The following RAP1GAP2 variants were observed in gnomAD, a reference collection of about 807,000 sequenced individuals.
RAP1GAP2 encodes RAP1 GTPase activating protein 2.
RAP1GAP2 carries 27 observed loss-of-function variants against 95.0 expected under a neutral mutation model. The ratio of observed to expected loss-of-function variants is 0.28; its 90% CI spans 0.21 to 0.39. RAP1GAP2 has a LOEUF of 0.39. Ranked by LOEUF, RAP1GAP2 falls within the 10% of genes least tolerant of loss-of-function variation. The pLI is 1.00. For synonymous variants in RAP1GAP2, 373 were observed against 380.9 expected (o/e 0.98, Z 0.24); for missense variants, 771 against 970.0 (o/e 0.79, Z 2.72).
At chr17:2,917,911 T>G (rs1300180643) in intron 3 of RAP1GAP2, among the ~76,000 whole-genome samples, 1 of 151,884 alleles carries the variant, frequency 6.6e-6, no homozygotes, top group African/African-American at 2.4e-5. Context: ...AGATGGCGAT[T>G]AACCATGTTG....
chr17:2,858,896 GA>G (rs202071363), intron 2 of RAP1GAP2, among the ~76,000 whole-genome samples: 2 of 150,512 alleles, frequency 1.3e-5, no homozygotes, highest in Non-Finnish European at 1.5e-5. Flanking sequence ...TGGGCAACAG[GA>G]AAAAAAAAGT....
At chr17:2,961,415 C>T (rs1293740386) in intron 4 of RAP1GAP2, among the ~76,000 whole-genome samples, 4 of 145,512 alleles carry the variant, frequency 2.7e-5, no homozygotes, top group Admixed American at 1.4e-4. Context: ...CTCGGGAGGC[C>T]GAGGCAGGAG....
At chr17:2,773,658 T>C (rs932736517), upstream of RAP1GAP2, among the ~76,000 whole-genome samples, 1 of 151,228 alleles carries the variant, frequency 6.6e-6, no homozygotes, top group East Asian at 1.9e-4. Flanking sequence ...GAATTCCAGG[T>C]CCAAGTCCAG....
chr17:2,822,695 T>C (rs2070362960), intron 2 of RAP1GAP2, among the ~76,000 whole-genome samples: 3 of 151,786 alleles, frequency 2.0e-5, no homozygotes, highest in East Asian at 3.9e-4. Context: ...TTTTTTTTTT[T>C]CCTTTGGGGA....
intron 3 of RAP1GAP2, among the ~76,000 whole-genome samples, chr17:2,956,149 G>A (rs534467962): frequency 1.3e-5 from 2 of 152,356 alleles, no homozygotes; most frequent in South Asian, 2.1e-4. Flanking sequence ...AATGCCCCGC[G>A]TGGGTGGTGC....
intron 2 of RAP1GAP2, among the ~76,000 whole-genome samples, chr17:2,856,301 G>A (rs1173892146): frequency 6.6e-6 from 1 of 152,208 alleles, no homozygotes; most frequent in Admixed American, 6.5e-5. Context: ...CCTGCACAGA[G>A]AGCGAGAAGT....
At chr17:2,767,115 G>C (rs975661501) in intron 1 of RAP1GAP2, among the ~76,000 whole-genome samples, 3 of 151,860 alleles carry the variant, frequency 2.0e-5, no homozygotes, top group African/African-American at 7.3e-5. Flanking sequence ...TGTAATCCCA[G>C]CACTTTGGGA....
At chr17:3,006,990 G>C (rs1428942483) in intron 16 of RAP1GAP2, among the ~76,000 whole-genome samples, 2 of 152,164 alleles carry the variant, frequency 1.3e-5, no homozygotes, top group Non-Finnish European at 2.9e-5. Context: ...TCCTGGAGGA[G>C]GTGGCTCATG....
At chr17:2,945,218 GTTTA>G (rs1374653534) in intron 3 of RAP1GAP2, among the ~76,000 whole-genome samples, 11 of 151,870 alleles carry the variant, frequency 7.2e-5, no homozygotes, top group African/African-American at 2.4e-4. Context: ...TTTTCTGATT[GTTTA>G]TTGATTGTTT....
intron 3 of RAP1GAP2, among the ~76,000 whole-genome samples, chr17:2,911,211 C>A (rs73312076): frequency 0.062 from 9,388 of 151,318 alleles, 985 homozygotes; most frequent in African/African-American, 0.22. Flanking sequence ...TGCTGCTACC[C>A]GACCTATACG....
At chr17:2,971,176 C>T (rs2044853726) in intron 8 of RAP1GAP2, among the ~76,000 whole-genome samples, 1 of 152,132 alleles carries the variant, frequency 6.6e-6, no homozygotes, top group Non-Finnish European at 1.5e-5. Flanking sequence ...AGAGCAAGCT[C>T]TCTGCTGGAT....
At chr17:2,762,877 C>T (rs556902128) in intron 1 of RAP1GAP2, among the ~76,000 whole-genome samples, 38 of 151,930 alleles carry the variant, frequency 2.5e-4, no homozygotes, top group African/African-American at 8.2e-4. Flanking sequence ...GGTTTTGCCA[C>T]GTTGCCCACG....
At position 2,796,536 on chromosome 17, in the gene RAP1GAP2, C is replaced by T. The variant is rs1367757607; in HGVS notation, c.9C>T (p.Gly3=). The T allele has an allele frequency of 3.2e-6, 5 of 1,563,578 alleles. No homozygotes were observed. The highest frequency in any genetic ancestry group is 1.9e-5 in the Admixed American group (1 of 52,248). MF[G]RKRSVSFGGF... ...GCTCTGCAGCCACAACCATGTTTGG[C>T]CGGAAGCGCAGTGTCTCCTTTGGGG... The change falls in exon 1 of 25, where the codon GGC becomes GGT. Residue 3 remains glycine (G), a synonymous_variant. Coordinates refer to ENST00000254695, the MANE Select transcript of RAP1GAP2 (RefSeq NM_015085.5). This position sits in a 1 kb window ranked among gnomAD's most constrained non-coding sequence, Gnocchi z 4.7.
intron 2 of RAP1GAP2, among the ~76,000 whole-genome samples, chr17:2,848,193 G>A (rs1364493555): frequency 1.3e-5 from 2 of 152,098 alleles, no homozygotes; most frequent in Admixed American, 6.6e-5. Context: ...TTTCCTCAGC[G>A]TGGTTTCCTT....
Position 2,827,199 on chromosome 17 carries a change from C to T in RAP1GAP2, c.80+26649C>T, listed in dbSNP as rs1372439614. On this transcript the variant is annotated intron_variant, in intron 2 of 24. Transcript: ENST00000254695. The surrounding 1 kb of genome is among the most constrained non-coding windows in gnomAD (Gnocchi z 4.1). The stretch of plus-strand genomic sequence containing the variant: ...CGTTTGAGGAGCTTGTGGATCGTCC[C>T]AGGGGTGTGTGTGGTTGGGCTCTTT... Among the ~76,000 whole-genome samples, 4 of 152,082 alleles carry T rather than the reference C, an allele frequency of 2.6e-5. No homozygotes were observed. Among genetic ancestry groups the T allele is most frequent in the Non-Finnish European group, 5.9e-5 (4 of 68,022 alleles).
chr17:2,917,763 T>G (rs2042617132), intron 3 of RAP1GAP2, among the ~76,000 whole-genome samples: 1 of 152,090 alleles, frequency 6.6e-6, no homozygotes, highest in South Asian at 2.1e-4. Flanking sequence ...TTGCCCAGGC[T>G]GAAGTACAAT....
At chr17:2,839,171 C>T (rs746373484) in intron 2 of RAP1GAP2, among the ~76,000 whole-genome samples, 17 of 151,976 alleles carry the variant, frequency 1.1e-4, no homozygotes, top group South Asian at 2.1e-4. Flanking sequence ...GACATGGTGG[C>T]GGACGCCTGT....
intron 2 of RAP1GAP2, among the ~76,000 whole-genome samples, chr17:2,880,237 G>A (rs181086808): frequency 1.6e-3 from 237 of 152,052 alleles, no homozygotes; most frequent in Non-Finnish European, 2.5e-3. Context: ...TCTAGACAGA[G>A]GGAGTAGTGT....
At position 2,995,301 on chromosome 17, in the gene RAP1GAP2, C is replaced by G; in HGVS notation, c.915-36C>G. On this transcript the variant is annotated intron_variant, in intron 12 of 24. Transcript: ENST00000254695. The stretch of plus-strand genomic sequence containing the variant: ...TAAGTTGCCCACTTTGCCTCACTCT[C>G]TTTTCTCCCCATCTCCTGCCCTGTT... 3 of 1,607,104 alleles carry G rather than the reference C, an allele frequency of 1.9e-6. No individual in the cohort carries two copies. The Admixed American group carries it at 5.0e-5, about 27-fold the overall frequency.
Sources: gnomAD v4.1 joint callset for allele counts (sites outside exome capture counted in the v4.1 genomes callset) on GRCh38, gnomAD v4.1.1 for gene constraint, Gnocchi (gnomAD v3.1) non-coding constraint, MANE v1.5 for transcripts, NCBI Gene and HGNC (gene_info 2026-07-23, HGNC 2026-07-21) for gene names.